EPHB4: variants seen among roughly 807,000 people sequenced by gnomAD.
EPHB4 encodes the protein EPH receptor B4.
Under a neutral mutation model 110.6 loss-of-function variants are expected in EPHB4, and 50 were observed. The observed-to-expected ratio is 0.45, with a 90% CI of 0.36 to 0.57. The LOEUF (loss-of-function observed/expected upper bound fraction) is 0.57. EPHB4 is among the 20% of genes least tolerant of loss of function. The pLI is 0.00. For synonymous variants in EPHB4, 592 were observed against 578.4 expected (o/e 1.02, Z -0.34); for missense variants, 1,128 against 1,382.1 (o/e 0.82, Z 2.91).
intron 10 of EPHB4, 99 bp from the exon 11 acceptor site, chr7:100,813,307 T>TG (rs1491333995): frequency 1.0e-5 from 2 of 193,884 alleles, no homozygotes; most frequent in African/African-American, 5.4e-5. Context: ...GTCTCCGTGG[T>TG]TTTTTTTTTT....
At position 100,818,597 on chromosome 7, in the gene EPHB4, T is replaced by C; in HGVS notation, c.1345A>G (p.Ser449Gly). 1 of 1,613,512 alleles carries C rather than the reference T, an allele frequency of 6.2e-7. No homozygotes were observed. Residue 449 changes from serine to glycine, a missense_variant, in exon 7 of 17, where the codon AGC becomes GGC. Coordinates refer to ENST00000358173, the MANE Select transcript of EPHB4 (RefSeq NM_004444.5). ...DIRVTRSSPS[S>G]LSLAWAVPRA... ...GGAACAGCCCAGGCCAGGCTCAAGC[T>C]GCTGGGTGAGGACCGCGTCACCCGG... is the stretch of plus-strand genomic sequence containing the variant.
At chr7:100,816,232 C>T (rs990054025) in intron 8 of EPHB4, among the ~76,000 whole-genome samples, 1 of 152,132 alleles carries the variant, frequency 6.6e-6, no homozygotes, top group Non-Finnish European at 1.5e-5. Context: ...CCTGTTACCT[C>T]CAATCCTCAA....
rs550496704 is a variant in EPHB4 at position 100,817,301 on chromosome 7, C to G, written c.1479G>C (p.Glu493Asp). The G allele has an allele frequency of 6.3e-7, 1 of 1,593,822 alleles. No individual in the cohort carries two copies. Among genetic ancestry groups the G allele is most frequent in the African/African-American group, 1.3e-5 (1 of 74,296 alleles). The change falls in exon 8 of 17, where the codon GAG becomes GAC. Residue 493 changes from glutamate (E) to aspartate (D), a missense_variant. Transcript: ENST00000358173. ...RFLKTSENRA[E>D]LRGLKRGASY... The stretch of plus-strand genomic sequence containing the variant: ...TGGCTCCCCGCTTCAGCCCCCGCAG[C>G]TCTGCCCGGTTTTCTGACGTCTTCA...
chr7:100,812,791 GA>G lies in EPHB4; in HGVS notation c.2073del (p.Leu692SerfsTer16). 1 of 1,614,144 alleles carries G rather than the reference GA, an allele frequency of 6.2e-7. No homozygotes were observed. Among genetic ancestry groups the G allele is most frequent in the Non-Finnish European group, 8.5e-7 (1 of 1,180,040 alleles). On this transcript the variant is annotated frameshift_variant, in exon 12 of 17. Transcript: ENST00000358173. LOFTEE classifies it high-confidence loss of function. The part of the protein sequence containing the change: ...GVVTNSMPVM[I>X]LTEFMENGAL... ...GCGCCGTTCTCCATGAACTCTGTGA[GA>G]ATCATGACGGGCATGCTGTTGGTGA...
At chr7:100,804,316 T>C (rs1209559199) in intron 16 of EPHB4, among the ~76,000 whole-genome samples, 4 of 137,980 alleles carry the variant, frequency 2.9e-5, no homozygotes, top group African/African-American at 5.6e-5. Flanking sequence ...TTCTTTTTTT[T>C]TTTTTTTTTT....
At chr7:100,814,636 T>C (rs915926514) in intron 8 of EPHB4, among the ~76,000 whole-genome samples, 8 of 152,226 alleles carry the variant, frequency 5.3e-5, no homozygotes, top group African/African-American at 7.2e-5. Flanking sequence ...AAAAAGTCGA[T>C]ACAATTGAAA....
chr7:100,826,956 C>CT, intron 1 of EPHB4, 23 bp downstream of exon 1: 1 of 1,444,288 alleles, frequency 6.9e-7, no homozygotes, highest in Non-Finnish European at 9.2e-7. Flanking sequence ...ACGGGGTGCG[C>CT]CCCCCCCCGC....
In EPHB4 at chr7:100,822,673, G is replaced by A. The variant is rs1228502562; in HGVS notation, c.412-6C>T. The A allele has an allele frequency of 1.6e-5, 25 of 1,548,708 alleles. No homozygotes were observed. Among genetic ancestry groups the A allele is most frequent in the Non-Finnish European group, 2.1e-5 (24 of 1,143,548 alleles). On this transcript the variant is annotated splice_polypyrimidine_tract_variant and splice_region_variant and intron_variant, in intron 3 of 16. Coordinates refer to ENST00000358173, the MANE Select transcript of EPHB4 (RefSeq NM_004444.5). The surrounding 1 kb of genome is among the most constrained non-coding windows in gnomAD (Gnocchi z 4.7). ...TCCGCGGCCACCGTGTCCACCTGCC[G>A]GCGGGGGGGAGGCACACCGCTGCTG... is the stretch of plus-strand genomic sequence containing the variant.
At chr7:100,805,145 C>T (rs1336086300) in intron 16 of EPHB4, 21 bp downstream of exon 16, 1 of 1,608,600 alleles carries the variant, frequency 6.2e-7, no homozygotes, top group Admixed American at 1.7e-5. Flanking sequence ...CAGCCCCACT[C>T]CAGCTCCTGC....
chr7:100,826,758 A>G, intron 1 of EPHB4: 1 of 491,284 alleles, frequency 2.0e-6, no homozygotes, highest in East Asian at 3.2e-5. Flanking sequence ...CCCGGGTCGT[A>G]GCCAGACTCC....
chr7:100,817,782 G>A (rs1813113904), intron 7 of EPHB4, among the ~76,000 whole-genome samples: 1 of 150,654 alleles, frequency 6.6e-6, no homozygotes, highest in South Asian at 2.1e-4. Context: ...TACCCACCTC[G>A]GCCTCCCAAA....
chr7:100,820,263 C>T lies in EPHB4; in HGVS notation c.842G>A (p.Gly281Glu), dbSNP rs920850385. 3.1e-6 allele frequency: 5 copies of T among 1,613,970 alleles called. No individual in the cohort carries two copies. The highest frequency in any genetic ancestry group is 8.5e-7 in the Non-Finnish European group (1 of 1,179,974). ...CAQGTFKPLS[G>E]EGSCQPCPAN... The stretch of plus-strand genomic sequence containing the variant: ...TGGGCATGGCTGGCAGGACCCTTCT[C>T]CTGACAGGGGCTTGAAGGTGCCCTG... Residue 281 changes from glycine (G) to glutamate (E), a missense_variant, in exon 5 of 17, where the codon GGA (glycine) becomes GAA (glutamate). Physicochemically the swap from Gly to Glu is moderately conservative, Grantham distance 98 (BLOSUM62 -2). Around this residue, in one of 3 missense-constraint regions of EPHB4, gnomAD observed 728 missense variants for 828.6 expected, o/e 0.88. Transcript: ENST00000358173.
At position 100,819,701 on chromosome 7, in the gene EPHB4, CCCGGGGG is replaced by C; in HGVS notation, c.1146_1152del (p.Pro383ThrfsTer25). 1 of 1,613,596 alleles carries C rather than the reference CCCGGGGG, an allele frequency of 6.2e-7. No homozygotes were observed. The highest frequency in any genetic ancestry group is 8.5e-7 in the Non-Finnish European group (1 of 1,179,916). Reference sequence around the variant, plus strand: ...ACCACCACCCAGGGCTCCACCAGGTCCCGGGGGCCGGGGTCAAAAGTCAGGTCTCCCC... The same window carrying C: ...ACCACCACCCAGGGCTCCACCAGGTCCCGGGGTCAAAAGTCAGGTCTCCCC... On this transcript the variant is annotated frameshift_variant, in exon 6 of 17. Coordinates refer to ENST00000358173, the MANE Select transcript of EPHB4 (RefSeq NM_004444.5). LOFTEE classifies it high-confidence loss of function.
Position 100,820,205 on chromosome 7 carries a change from G to A in EPHB4, c.900C>T (p.Ala300=), listed in dbSNP as rs143853125. ...ANSHSNTIGS[A]VCQCRVGYFR... ...AGTACCCGACGCGGCACTGGCAGAC[G>A]GCTGATCCAATGGTGTTAGAGTGGC... Residue 300 remains alanine (A), a synonymous_variant, in exon 5 of 17, where the codon GCC becomes GCT. Coordinates refer to ENST00000358173, the MANE Select transcript of EPHB4 (RefSeq NM_004444.5). 3.7e-6 allele frequency: 6 copies of A among 1,614,144 alleles called. No homozygotes were observed. The Admixed American group carries it at 5.0e-5, about 13-fold the overall frequency.
intron 8 of EPHB4, 118 bp downstream of exon 8, chr7:100,817,074 C>G (rs1813090429): frequency 8.8e-7 from 1 of 1,133,906 alleles, no homozygotes; most frequent in East Asian, 3.3e-5. Context: ...CAGAGCAAGA[C>G]TCCATCTCAA....
chr7:100,813,258 C>T, intron 10 of EPHB4, 50 bp from the exon 11 acceptor site: 2 of 1,433,916 alleles, frequency 1.4e-6, no homozygotes, highest in Non-Finnish European at 1.9e-6. Context: ...TCCCACTGGA[C>T]TCGGAGGCTC....
Position 100,823,649 on chromosome 7 carries a change from T to C in EPHB4, c.406A>G (p.Ile136Val). The stretch of plus-strand genomic sequence containing the variant: ...CCCTGGGGGCACCCAGGTACCTTGA[T>C]GTAGGGGTTCTCCATCCAGGCTGGC... ...LTPAWMENPY[I>V]KVDTVAAEHL... Residue 136 changes from isoleucine to valine, a missense_variant, in exon 3 of 17, where the codon ATC becomes GTC. Ile to Val is a conservative substitution (Grantham distance 29). Coordinates refer to ENST00000358173, the MANE Select transcript of EPHB4 (RefSeq NM_004444.5). 2 of 1,611,976 alleles carry C rather than the reference T, an allele frequency of 1.2e-6. No homozygotes were observed. The highest frequency in any genetic ancestry group is 1.7e-6 in the Non-Finnish European group (2 of 1,179,040).
chr7:100,806,153 T>C, intron 14 of EPHB4: 1 of 276,606 alleles, frequency 3.6e-6, no homozygotes, highest in South Asian at 1.0e-4. Context: ...AGAGACGGGG[T>C]TTCACCATGT....
At position 100,803,560 on chromosome 7, in the gene EPHB4, C is replaced by G; in HGVS notation, c.2865G>C (p.Ala955=). 3 of 1,605,496 alleles carry G rather than the reference C, an allele frequency of 1.9e-6. No homozygotes were observed. Among genetic ancestry groups the G allele is most frequent in the Non-Finnish European group, 2.6e-6 (3 of 1,175,294 alleles). ...TGGCCAAGATTTTCTTCTGGTGTCC[C>G]GCCAGAGTGACTCCGATTCGGAGCA... ...EDLLRIGVTL[A]GHQKKILASV... Residue 955 remains alanine (A), a synonymous_variant, in exon 17 of 17, where the codon GCG becomes GCC. Transcript: ENST00000358173.
Sources: gnomAD v4.1 joint callset for allele counts (sites outside exome capture counted in the v4.1 genomes callset) on GRCh38, gnomAD v4.1.1 for gene constraint, gnomAD v4.1.1 regional missense constraint, Gnocchi (gnomAD v3.1) non-coding constraint, MANE v1.5 for transcripts, NCBI Gene and HGNC (gene_info 2026-07-23, HGNC 2026-07-21) for gene names.